SLC25A17: variants seen among roughly 807,000 people sequenced by gnomAD.
SLC25A17 encodes peroxisomal membrane protein PMP34.
SLC25A17 carries 26 observed loss-of-function variants against 38.5 expected under a neutral mutation model. The ratio of observed to expected loss-of-function variants is 0.68; its 90% CI spans 0.50 to 0.94. SLC25A17 has a LOEUF of 0.94. Ranked by LOEUF, SLC25A17 falls within the 40% of genes least tolerant of loss-of-function variation. SLC25A17 has a pLI of 0.00. For synonymous variants in SLC25A17, 139 were observed against 136.2 expected (o/e 1.02, Z -0.14); for missense variants, 333 against 372.7 (o/e 0.89, Z 0.88).
At chr22:40,791,138 T>C (rs187108774) in intron 4 of SLC25A17, among the ~76,000 whole-genome samples, 13 of 152,266 alleles carry the variant, frequency 8.5e-5, no homozygotes, top group Non-Finnish European at 1.6e-4. Context: ...GAAATGGCTA[T>C]GGATATGGAG....
intron 8 of SLC25A17, among the ~76,000 whole-genome samples, chr22:40,772,047 A>G (rs2057189341): frequency 6.6e-6 from 1 of 152,040 alleles, no homozygotes; most frequent in Admixed American, 6.5e-5. Flanking sequence ...CATTATTAAC[A>G]TTTGTATACA....
At chr22:40,785,928 C>T (rs2145663952) in intron 4 of SLC25A17, among the ~76,000 whole-genome samples, 1 of 152,154 alleles carries the variant, frequency 6.6e-6, no homozygotes, top group East Asian at 1.9e-4. Context: ...AGCCACTGTA[C>T]CCAGCCCTCA....
At chr22:40,777,803 T>A (rs2057260026) in intron 5 of SLC25A17, among the ~76,000 whole-genome samples, 1 of 152,000 alleles carries the variant, frequency 6.6e-6, no homozygotes, top group Non-Finnish European at 1.5e-5. Flanking sequence ...AAAAAAAGAT[T>A]TCTTTCTTGC....
intron 4 of SLC25A17, chr22:40,784,478 A>T (rs2057319829): frequency 6.2e-6 from 1 of 160,658 alleles, no homozygotes; most frequent in African/African-American, 2.4e-5. Context: ...TTTATTTTTT[A>T]AAATAAATAT....
intron 4 of SLC25A17, 27 bp downstream of exon 4, chr22:40,792,498 C>A (rs1174138859): frequency 6.4e-7 from 1 of 1,553,920 alleles, no homozygotes; most frequent in South Asian, 1.2e-5. Flanking sequence ...AATATAAAAA[C>A]ATTTTATACC....
chr22:40,785,365 CAG>C lies in SLC25A17; in HGVS notation c.335-6242_335-6241del, dbSNP rs887665555. Among the ~76,000 whole-genome samples the C allele has an allele frequency of 3.9e-5, 6 of 152,328 alleles. No homozygotes were observed. In the South Asian group the frequency reaches 1.0e-3, roughly 26 times the overall value. On this transcript the variant is annotated intron_variant, in intron 4 of 8. Transcript: ENST00000435456. ...CGCCACTGCACTCCAGCCCGGGTGA[CAG>C]AGTGAGACTCCTTCTCAAAAAACAA...
intron 4 of SLC25A17, among the ~76,000 whole-genome samples, chr22:40,791,521 C>T (rs2145673975): frequency 6.6e-6 from 1 of 152,264 alleles, no homozygotes; most frequent in East Asian, 1.9e-4. Flanking sequence ...ATACCACATA[C>T]AGACATCCTA....
chr22:40,774,282 G>T (rs1602585780), intron 7 of SLC25A17, among the ~76,000 whole-genome samples: 1 of 149,300 alleles, frequency 6.7e-6, no homozygotes, highest in Non-Finnish European at 1.5e-5. Context: ...GGAGTGCAAT[G>T]GCACAATTTT....
chr22:40,776,943 T>C lies in SLC25A17; in HGVS notation c.693+97A>G. 3 of 1,021,424 alleles carry C rather than the reference T, an allele frequency of 2.9e-6. No homozygotes were observed. In the South Asian group the frequency reaches 4.2e-5, roughly 14 times the overall value. The allele number at this position is 1,021,424 out of a possible 1,614,324, so 63.3% of individuals were successfully genotyped here. A position where few individuals can be genotyped will look rare whatever the true frequency, so the allele number is the denominator to read the frequency against. On this transcript the variant is annotated intron_variant, in intron 7 of 8. Transcript: ENST00000435456. ...ATAGGGAATATTCTGGTATACCAACTAACTGCTTTATTGCTTTATTAACAT... is the reference window on the plus strand; with the variant it reads ...ATAGGGAATATTCTGGTATACCAACCAACTGCTTTATTGCTTTATTAACAT...
At chr22:40,794,206 TA>T (rs1293409548) in intron 3 of SLC25A17, among the ~76,000 whole-genome samples, 1 of 152,176 alleles carries the variant, frequency 6.6e-6, no homozygotes, top group Admixed American at 6.5e-5. Flanking sequence ...AGGAATGAAC[TA>T]AACAACTATT....
intron 4 of SLC25A17, among the ~76,000 whole-genome samples, chr22:40,781,168 T>C (rs537260913): frequency 1.4e-3 from 208 of 152,028 alleles, no homozygotes; most frequent in African/African-American, 4.9e-3. Flanking sequence ...TGAGACCTTT[T>C]CTTATTAAAA....
chr22:40,792,404 A>C (rs2145675028), intron 4 of SLC25A17, 121 bp downstream of exon 4: 3 of 845,980 alleles, frequency 3.5e-6, no homozygotes, highest in Middle Eastern at 3.7e-4. Context: ...AAAAAAAAAA[A>C]ACCAAGTTGG....
At chr22:40,781,339 C>T (rs1006769082) in intron 4 of SLC25A17, among the ~76,000 whole-genome samples, 2 of 151,872 alleles carry the variant, frequency 1.3e-5, no homozygotes, top group African/African-American at 2.4e-5. Context: ...TCCGCCTCCC[C>T]GGCTCACACC....
rs751998910 is a variant in SLC25A17, at chr22:40,777,029, C to T, written c.693+11G>A. 6.2e-7 allele frequency: 1 copy of T among 1,612,128 alleles called. No homozygotes were observed. Among genetic ancestry groups the T allele is most frequent in the East Asian group, 2.2e-5 (1 of 44,876 alleles). On this transcript the variant is annotated intron_variant, in intron 7 of 8. Transcript: ENST00000435456. The stretch of plus-strand genomic sequence containing the variant: ...TGTTTGACTAAATGCGAAGAGAACT[C>T]CAGCACTCACCCTCAGAATTGACTG...
At chr22:40,818,521 C>A (rs1405576701) in intron 1 of SLC25A17, among the ~76,000 whole-genome samples, 2 of 150,810 alleles carry the variant, frequency 1.3e-5, no homozygotes, top group African/African-American at 2.4e-5. Flanking sequence ...CCAGCCTGGG[C>A]AACACTGCCA....
chr22:40,770,735 T>C lies in SLC25A17; in HGVS notation c.*99A>G. 1 of 1,302,022 alleles carries C rather than the reference T, an allele frequency of 7.7e-7. No homozygotes were observed. The allele number at this position is 1,302,022 out of a possible 1,614,324, so 80.7% of individuals were successfully genotyped here. On this transcript the variant is annotated 3_prime_UTR_variant, in exon 9 of 9. Coordinates refer to ENST00000435456, the MANE Select transcript of SLC25A17 (RefSeq NM_006358.4). ...TTTTCAAGCCAATGAGGGTAACATT[T>C]GTGGTGGCAGGAGCCAGAGTCAAGG...
chr22:40,782,845 C>T (rs555450362), intron 4 of SLC25A17, among the ~76,000 whole-genome samples: 18 of 152,264 alleles, frequency 1.2e-4, no homozygotes, highest in Admixed American at 3.3e-4. Context: ...ATAAGTGTCT[C>T]TTCATTTATC....
intron 2 of SLC25A17, among the ~76,000 whole-genome samples, chr22:40,794,880 A>G (rs1359831671): frequency 6.6e-6 from 1 of 152,118 alleles, no homozygotes; most frequent in East Asian, 1.9e-4. Flanking sequence ...CGGCCTCCCA[A>G]AGTGCTGGGA....
intron 8 of SLC25A17, 116 bp from the exon 9 acceptor site, chr22:40,771,097 TTC>T: frequency 1.1e-6 from 1 of 910,500 alleles, no homozygotes. Flanking sequence ...CAACACAGAC[TTC>T]TGTTGTCAAA....
Sources: gnomAD v4.1 joint callset for allele counts (sites outside exome capture counted in the v4.1 genomes callset) on GRCh38, gnomAD v4.1.1 for gene constraint, MANE v1.5 for transcripts, NCBI Gene and HGNC (gene_info 2026-07-23, HGNC 2026-07-21) for gene names.